Variants in TAF2 observed in about 807,000 individuals in gnomAD.
TAF2 encodes the protein transcription initiation factor TFIID subunit 2.
Under a neutral mutation model 138.5 loss-of-function variants are expected in TAF2, and 61 were observed. That is an observed-to-expected ratio of 0.44 (90% CI 0.36 to 0.54). The LOEUF is 0.54. TAF2 is among the 20% of genes least tolerant of loss of function. The pLI is 0.00. For synonymous variants in TAF2, 475 were observed against 469.9 expected (o/e 1.01, Z -0.14); for missense variants, 1,090 against 1,427.9 (o/e 0.76, Z 3.81).
intron 6 of TAF2, among the ~76,000 whole-genome samples, chr8:119,800,750 T>G (rs915308397): frequency 1.3e-5 from 2 of 152,188 alleles, no homozygotes; most frequent in South Asian, 4.1e-4. Context: ...AAGGCAAATA[T>G]AAAAGGCAAA....
At chr8:119,830,667 A>G (rs1826388679) in intron 2 of TAF2, among the ~76,000 whole-genome samples, 1 of 152,336 alleles carries the variant, frequency 6.6e-6, no homozygotes, top group African/African-American at 2.4e-5. Context: ...TTTTCTATCT[A>G]TTCAGCTTAT....
chr8:119,756,190 A>G, intron 21 of TAF2, 75 bp from the exon 22 acceptor site: 1 of 1,002,126 alleles, frequency 1.0e-6, no homozygotes, highest in East Asian at 2.5e-5. Context: ...CAACATAAAC[A>G]CTGAAAAATT....
chr8:119,798,436 T>C (rs1823989549), intron 6 of TAF2, among the ~76,000 whole-genome samples: 3 of 152,288 alleles, frequency 2.0e-5, no homozygotes, highest in Non-Finnish European at 1.5e-5. Flanking sequence ...TCATATGCTA[T>C]CTCTTATTAT....
intron 18 of TAF2, among the ~76,000 whole-genome samples, chr8:119,775,485 T>G (rs993193924): frequency 1.3e-5 from 2 of 151,546 alleles, no homozygotes; most frequent in Non-Finnish European, 2.9e-5. Flanking sequence ...GGCGAATCAC[T>G]TGAGGTCAGG....
chr8:119,771,008 T>A (rs1393487759), intron 18 of TAF2, among the ~76,000 whole-genome samples: 1 of 151,076 alleles, frequency 6.6e-6, no homozygotes, highest in African/African-American at 2.4e-5. Context: ...GAGGTGGAGG[T>A]TGCAGTGAGC....
At chr8:119,823,836 T>C (rs953664640) in intron 2 of TAF2, among the ~76,000 whole-genome samples, 4 of 152,160 alleles carry the variant, frequency 2.6e-5, no homozygotes, top group African/African-American at 4.8e-5. Flanking sequence ...AAAATGTTGA[T>C]AGTGATATGG....
chr8:119,786,008 G>C (rs998520656), intron 14 of TAF2, among the ~76,000 whole-genome samples: 5 of 152,116 alleles, frequency 3.3e-5, no homozygotes, highest in African/African-American at 1.2e-4. Context: ...GAAGATTTCA[G>C]AATCAAGTTC....
At chr8:119,738,318 C>T (rs983631275) in intron 25 of TAF2, among the ~76,000 whole-genome samples, 2 of 152,102 alleles carry the variant, frequency 1.3e-5, no homozygotes, top group Non-Finnish European at 2.9e-5. Flanking sequence ...ATGAGGTCAT[C>T]TATAGAACTC....
At chr8:119,762,008 G>C (rs1409572640) in intron 19 of TAF2, among the ~76,000 whole-genome samples, 3 of 152,032 alleles carry the variant, frequency 2.0e-5, no homozygotes, top group Non-Finnish European at 1.5e-5. Flanking sequence ...TAAATTGGCA[G>C]AACTGCATGA....
intron 9 of TAF2, among the ~76,000 whole-genome samples, chr8:119,793,914 G>T (rs185342161): frequency 6.6e-5 from 10 of 150,728 alleles, no homozygotes; most frequent in Admixed American, 1.3e-4. Context: ...AAAAAAAAAG[G>T]GGGGGTTGGG....
At chr8:119,827,893 G>A (rs888094971) in intron 2 of TAF2, among the ~76,000 whole-genome samples, 3 of 151,978 alleles carry the variant, frequency 2.0e-5, no homozygotes, top group African/African-American at 4.8e-5. Flanking sequence ...ACGGGTGCCC[G>A]CCACCATGCT....
At chr8:119,733,270 G>A (rs1015435615) in intron 25 of TAF2, among the ~76,000 whole-genome samples, 2 of 152,018 alleles carry the variant, frequency 1.3e-5, no homozygotes, top group African/African-American at 4.8e-5. Flanking sequence ...CAATTTCTAG[G>A]GATAGACAAA....
chr8:119,780,859 C>T (rs571997251), intron 17 of TAF2, among the ~76,000 whole-genome samples, 194 bp downstream of exon 17: 4 of 148,790 alleles, frequency 2.7e-5, no homozygotes, highest in Admixed American at 1.4e-4. Context: ...GGCGTGAACC[C>T]GGGAGGCGGA....
intron 3 of TAF2, among the ~76,000 whole-genome samples, chr8:119,807,481 G>A (rs1824740790): frequency 6.6e-6 from 1 of 152,196 alleles, no homozygotes; most frequent in South Asian, 2.1e-4. Context: ...GATACGGAAT[G>A]GGAAGGGCAA....
chr8:119,736,676 G>C (rs925162748), intron 25 of TAF2, among the ~76,000 whole-genome samples: 1 of 152,122 alleles, frequency 6.6e-6, no homozygotes, highest in African/African-American at 2.4e-5. Context: ...AAATAAAAAT[G>C]AAAGTATAAA....
chr8:119,823,433 T>C (rs1825910888), intron 2 of TAF2, among the ~76,000 whole-genome samples: 1 of 152,162 alleles, frequency 6.6e-6, no homozygotes, highest in South Asian at 2.1e-4. Flanking sequence ...AGCGAATAAA[T>C]CTCATGAAAT....
At position 119,742,589 on chromosome 8, in the gene TAF2, G is replaced by A. The variant is rs751606506; in HGVS notation, c.3282C>T (p.Asp1094=). 1 of 1,613,918 alleles carries A rather than the reference G, an allele frequency of 6.2e-7. No homozygotes were observed. Among genetic ancestry groups the A allele is most frequent in the South Asian group, 1.1e-5 (1 of 91,080 alleles). Residue 1094 remains aspartate, a synonymous_variant, in exon 25 of 26, where the codon GAC becomes GAT. Coordinates refer to ENST00000378164, the MANE Select transcript of TAF2 (RefSeq NM_003184.4). ...ACTGGGGTTTTGTGGTGGGTGTGCTGTCACAGCCTGCTGAGTGCTGGGGTA... is the reference window on the plus strand; with the variant it reads ...ACTGGGGTTTTGTGGTGGGTGTGCTATCACAGCCTGCTGAGTGCTGGGGTA... ...ALIPQHSAGC[D]STPTTKPQWS... is the part of the protein sequence containing the mutation.
chr8:119,740,980 C>A (rs969440408), intron 25 of TAF2, among the ~76,000 whole-genome samples: 6 of 152,162 alleles, frequency 3.9e-5, no homozygotes, highest in Admixed American at 6.6e-5. Flanking sequence ...AAGAAAGGAC[C>A]CGACACTAAT....
At position 119,788,815 on chromosome 8, in the gene TAF2, G is replaced by A; in HGVS notation, c.1658C>T (p.Thr553Ile). 1 of 1,613,656 alleles carries A rather than the reference G, an allele frequency of 6.2e-7. No individual in the cohort carries two copies. Among genetic ancestry groups the A allele is most frequent in the Non-Finnish European group, 8.5e-7 (1 of 1,179,668 alleles). The change falls in exon 13 of 26, where the codon ACA (threonine) becomes ATA (isoleucine). Residue 553 changes from threonine (T) to isoleucine (I), a missense_variant. Physicochemically the swap from Thr to Ile is moderately conservative, Grantham distance 89. This residue lies in a region of TAF2 where 504 missense variants were observed against 680.9 expected (regional missense o/e 0.74). Transcript: ENST00000378164. ...CACGTATTTCTGAGTTCCAGGAGATGTATAGTCCTGTTTTATTTCCAGTTC... is the reference window on the plus strand; with the variant it reads ...CACGTATTTCTGAGTTCCAGGAGATATATAGTCCTGTTTTATTTCCAGTTC... The part of the protein sequence containing the change: ...VLELEIKQDY[T>I]SPGTQKYVGP...
Sources: gnomAD v4.1 joint callset for allele counts (sites outside exome capture counted in the v4.1 genomes callset) on GRCh38, gnomAD v4.1.1 for gene constraint, gnomAD v4.1.1 regional missense constraint, MANE v1.5 for transcripts, NCBI Gene and HGNC (gene_info 2026-07-23, HGNC 2026-07-21) for gene names.